The following CEACAM5 variants were observed in gnomAD, a reference collection of about 807,000 sequenced individuals.
The protein encoded by CEACAM5 is CEA cell adhesion molecule 5.
Under a neutral mutation model 63.0 loss-of-function variants are expected in CEACAM5, and 52 were observed. The ratio of observed to expected loss-of-function variants is 0.83; its 90% CI spans 0.66 to 1.04. The LOEUF is 1.04. Ranked by LOEUF, CEACAM5 falls within the 50% of genes least tolerant of loss-of-function variation. The pLI is 0.00. For synonymous variants in CEACAM5, 357 were observed against 351.3 expected, an observed-to-expected ratio of 1.02 and a Z score of -0.18; for missense variants, 790 against 864.8, an observed-to-expected ratio of 0.91 and a Z score of 1.08.
chr19:41,717,786 G>A, intron 5 of CEACAM5, 53 bp downstream of exon 5: 2 of 1,595,588 alleles, frequency 1.3e-6, no homozygotes, highest in Non-Finnish European at 1.7e-6. Flanking sequence ...AATCCACATA[G>A]CCAAAGTCCA....
chr19:41,713,755 T>C (rs1478288834), intron 2 of CEACAM5, among the ~76,000 whole-genome samples: 1 of 152,276 alleles, frequency 6.6e-6, no homozygotes, highest in Admixed American at 6.5e-5. Flanking sequence ...CTCAAAGTTC[T>C]GTCTCATAAC....
At chr19:41,729,039 A>C (rs558920016) in intron 9 of CEACAM5, 145 bp from the exon 10 acceptor site, 1 of 152,326 alleles carries the variant, frequency 6.6e-6, no homozygotes, top group East Asian at 1.9e-4. Context: ...AAGTTATATA[A>C]GAAATTCTAG....
chr19:41,716,518 C>T (rs947986660), intron 4 of CEACAM5, among the ~76,000 whole-genome samples: 8 of 152,146 alleles, frequency 5.3e-5, no homozygotes, highest in Non-Finnish European at 8.8e-5. Context: ...TCCCTTCGTC[C>T]CAGTCAGGCT....
intron 9 of CEACAM5, among the ~76,000 whole-genome samples, chr19:41,728,072 C>T (rs781900553): frequency 2.0e-5 from 3 of 152,184 alleles, no homozygotes; most frequent in Non-Finnish European, 4.4e-5. Context: ...GTAGCATTAA[C>T]CTGTGAGTCT....
At chr19:41,710,449 C>G (rs1193664388) in intron 2 of CEACAM5, among the ~76,000 whole-genome samples, 1 of 152,152 alleles carries the variant, frequency 6.6e-6, no homozygotes, top group Non-Finnish European at 1.5e-5. Flanking sequence ...GGAGCCTGTG[C>G]CAGGGCTGTG....
At chr19:41,722,203 A>G (rs1317422657) in intron 8 of CEACAM5, among the ~76,000 whole-genome samples, 1 of 151,222 alleles carries the variant, frequency 6.6e-6, no homozygotes, top group Non-Finnish European at 1.5e-5. Context: ...TTCAAGATAC[A>G]GAAAAAAAAA....
Position 41,708,634 on chromosome 19 carries a change from G to A in CEACAM5, c.-98G>A. On this transcript the variant is annotated 5_prime_UTR_variant, in exon 1 of 10. Coordinates refer to ENST00000221992, the MANE Select transcript of CEACAM5 (RefSeq NM_004363.6). ...AGGAAGAGACTCAGGGCAGAGGGAG[G>A]AAGGACAGCAGACCAGACAGTCACA... 9.4e-7 allele frequency: 1 copy of A among 1,060,946 alleles called. No individual in the cohort carries two copies. The highest frequency in any genetic ancestry group is 2.6e-5 in the East Asian group (1 of 39,124). The allele number at this position is 1,060,946 out of a possible 1,614,324, so 65.7% of individuals were successfully genotyped here.
Position 41,721,047 on chromosome 19 carries a change from C to A in CEACAM5, c.1897C>A (p.Pro633Thr). 1 of 1,614,238 alleles carries A rather than the reference C, an allele frequency of 6.2e-7. No homozygotes were observed. Among genetic ancestry groups the A allele is most frequent in the Non-Finnish European group, 8.5e-7 (1 of 1,180,050 alleles). The change falls in exon 8 of 10, where the codon CCG (proline) becomes ACG (threonine). Residue 633 changes from proline to threonine, a missense_variant. Pro to Thr is a conservative substitution (Grantham distance 38). Coordinates refer to ENST00000221992, the MANE Select transcript of CEACAM5 (RefSeq NM_004363.6). ...PQYSWRINGI[P>T]QQHTQVLFIA... Reference sequence around the variant, plus strand: ...GTATTCTTGGCGTATCAATGGGATACCGCAGCAACACACACAAGTTCTCTT... The same window carrying A: ...GTATTCTTGGCGTATCAATGGGATAACGCAGCAACACACACAAGTTCTCTT...
chr19:41,727,807 T>C lies in CEACAM5; in HGVS notation c.*36+455T>C, dbSNP rs150995660. ...CAGGGGCCTACTGTGGTGTATTAGA[T>C]AAGTTCACATTTCTTCTCTTTACTA... On this transcript the variant is annotated intron_variant, in intron 9 of 9. Transcript: ENST00000221992. Among the ~76,000 whole-genome samples, 737 of 152,340 alleles carry C rather than the reference T, an allele frequency of 4.8e-3. 6 individuals are homozygous for C. The highest frequency in any genetic ancestry group is 8.0e-3 in the Non-Finnish European group (542 of 68,036).
At chr19:41,715,547 G>A (rs1305152658) in intron 3 of CEACAM5, 103 bp from the exon 4 acceptor site, 1 of 1,455,726 alleles carries the variant, frequency 6.9e-7, no homozygotes, top group Non-Finnish European at 9.5e-7. Flanking sequence ...TGAGACTTTA[G>A]GATTGTGATT....
rs186766948 is a variant in CEACAM5, at chr19:41,724,791, A to C, written c.2027-2443A>C. 6.4e-4 allele frequency among the ~76,000 whole-genome samples: 98 copies of C among 152,350 alleles called. 1 individual carries two copies. The highest frequency in any genetic ancestry group is 2.3e-3 in the African/African-American group (95 of 41,586). On this transcript the variant is annotated intron_variant, in intron 8 of 9. Transcript: ENST00000221992. ...TTGTTCATTGTTAGTGTGTAGAAGT[A>C]CAACTGATGTTTGCGTGTTGATTTT...
At chr19:41,720,291 G>C in intron 7 of CEACAM5, 83 bp downstream of exon 7, 2 of 1,485,056 alleles carry the variant, frequency 1.3e-6, no homozygotes, top group Non-Finnish European at 1.8e-6. Flanking sequence ...GTTCTCCTCA[G>C]GTCCAAAGAG....
intron 3 of CEACAM5, 167 bp downstream of exon 3, chr19:41,715,416 G>C (rs111902504): frequency 1.1e-5 from 13 of 1,212,866 alleles, no homozygotes; most frequent in African/African-American, 4.5e-5. Context: ...ACCAAGTCTT[G>C]ACCAAGAATA....
At chr19:41,719,050 C>T (rs2072574793) in intron 6 of CEACAM5, among the ~76,000 whole-genome samples, 1 of 152,294 alleles carries the variant, frequency 6.6e-6, no homozygotes, top group South Asian at 2.1e-4. Context: ...GACTCCTGAG[C>T]TGTGTCCTGG....
Position 41,709,833 on chromosome 19 carries a change from T to A in CEACAM5, c.218T>A (p.Val73Glu). 6.2e-7 allele frequency: 1 copy of A among 1,613,656 alleles called. No individual in the cohort carries two copies. The highest frequency in any genetic ancestry group is 8.5e-7 in the Non-Finnish European group (1 of 1,179,930). The change falls in exon 2 of 10, where the codon GTG becomes GAG. Residue 73 changes from valine (V) to glutamate (E), a missense_variant. Val to Glu is a moderately radical substitution (Grantham distance 121, BLOSUM62 -2). Coordinates refer to ENST00000221992, the MANE Select transcript of CEACAM5 (RefSeq NM_004363.6). ...TACAGCTGGTACAAAGGTGAAAGAG[T>A]GGATGGCAACCGTCAAATTATAGGA... The part of the protein sequence containing the change: ...FGYSWYKGER[V>E]DGNRQIIGYV...
At position 41,709,876 on chromosome 19, in the gene CEACAM5, A is replaced by G. The variant is rs374385604; in HGVS notation, c.261A>G (p.Gln87=). ...TTATAGGATATGTAATAGGAACTCAACAAGCTACCCCAGGGCCCGCATACA... is the reference window on the plus strand; with the variant it reads ...TTATAGGATATGTAATAGGAACTCAGCAAGCTACCCCAGGGCCCGCATACA... ...RQIIGYVIGT[Q]QATPGPAYSG... is the part of the protein sequence containing the mutation. The change falls in exon 2 of 10, where the codon CAA becomes CAG. Residue 87 remains glutamine, a synonymous_variant. Coordinates refer to ENST00000221992, the MANE Select transcript of CEACAM5 (RefSeq NM_004363.6). 7.4e-6 allele frequency: 12 copies of G among 1,614,090 alleles called. No homozygotes were observed. Among genetic ancestry groups the G allele is most frequent in the South Asian group, 6.6e-5 (6 of 91,086 alleles).
At chr19:41,720,296 A>G (rs1180983806) in intron 7 of CEACAM5, 88 bp downstream of exon 7, 2 of 1,472,210 alleles carry the variant, frequency 1.4e-6, no homozygotes, top group African/African-American at 2.8e-5. Context: ...CCTCAGGTCC[A>G]AAGAGGCAGA....
At chr19:41,725,225 TTG>T (rs557538242) in intron 8 of CEACAM5, among the ~76,000 whole-genome samples, 188 of 152,348 alleles carry the variant, frequency 1.2e-3, no homozygotes, top group African/African-American at 4.2e-3. Flanking sequence ...TTAAATTTTT[TTG>T]TGTTTCCAGG....
At chr19:41,716,859 CTT>C (rs1555815111) in intron 4 of CEACAM5, among the ~76,000 whole-genome samples, 1 of 152,192 alleles carries the variant, frequency 6.6e-6, no homozygotes, top group African/African-American at 2.4e-5. Context: ...CCACAGGACT[CTT>C]TTCTTCCTCC....
Sources: allele counts gnomAD v4.1 joint callset (sites outside exome capture counted in the v4.1 genomes callset), GRCh38; gene constraint gnomAD v4.1.1; transcripts MANE v1.5; gene names NCBI Gene and HGNC (gene_info 2026-07-23, HGNC 2026-07-21).